Variants in KCNMA1 observed in about 807,000 individuals in gnomAD.
KCNMA1 encodes the protein potassium calcium-activated channel subfamily M alpha 1, also known as Calcium-activated potassium channel subunit alpha-1.
Under a neutral mutation model 140.0 loss-of-function variants are expected in KCNMA1, and 29 were observed. The ratio of observed to expected loss-of-function variants is 0.21; its 90% CI spans 0.15 to 0.28. The LOEUF (loss-of-function observed/expected upper bound fraction) is 0.28, where lower values mean the gene tolerates loss of function less well. KCNMA1 is among the 10% of genes least tolerant of loss of function. KCNMA1 has a pLI of 1.00. For missense variants in KCNMA1, 880 were observed against 1,602.2 expected (o/e 0.55, Z 7.70); for synonymous variants, 612 against 611.9 (o/e 1.00, Z 0.00).
intron 2 of KCNMA1, among the ~76,000 whole-genome samples, chr10:77,382,741 T>C (rs1449850992): frequency 1.3e-5 from 2 of 150,322 alleles, no homozygotes; most frequent in African/African-American, 4.9e-5. Flanking sequence ...GGTGGGTGCC[T>C]GTAATCCCAG....
intron 1 of KCNMA1, among the ~76,000 whole-genome samples, chr10:77,562,774 C>A (rs746019476): frequency 2.8e-4 from 43 of 152,190 alleles, no homozygotes; most frequent in Admixed American, 5.2e-4. Context: ...TTGCCTATTC[C>A]AATTAGTTGC....
chr10:76,912,604 C>G (rs541552949), intron 24 of KCNMA1: 21 of 152,292 alleles, frequency 1.4e-4, no homozygotes, highest in African/African-American at 5.1e-4. Context: ...GGGACAAAGG[C>G]TTCAGGAGAG....
At chr10:77,622,076 A>G (rs924726811) in intron 1 of KCNMA1, among the ~76,000 whole-genome samples, 8 of 152,270 alleles carry the variant, frequency 5.3e-5, no homozygotes, top group Admixed American at 1.3e-4. Context: ...ACATTGAGTA[A>G]CCTGCATGAC....
At chr10:77,033,507 A>G (rs2094100493) in intron 15 of KCNMA1, among the ~76,000 whole-genome samples, 9 of 152,102 alleles carry the variant, frequency 5.9e-5, no homozygotes, top group Admixed American at 5.9e-4. Context: ...CTAAGACACT[A>G]GAATTTATAA....
chr10:77,147,415 C>G (rs1405034441), intron 5 of KCNMA1, among the ~76,000 whole-genome samples: 2 of 152,104 alleles, frequency 1.3e-5, no homozygotes, highest in African/African-American at 4.8e-5. Context: ...GTCTCCCACC[C>G]CACCAGCCTC....
At chr10:76,929,655 T>C (rs113257975) in intron 23 of KCNMA1, among the ~76,000 whole-genome samples, 2,712 of 152,340 alleles carry the variant, frequency 0.018, 82 homozygotes, top group African/African-American at 0.062. Context: ...GGGGCTAGGC[T>C]GGTGTTTCTC....
intron 1 of KCNMA1, among the ~76,000 whole-genome samples, chr10:77,467,417 C>T (rs971462911): frequency 7.2e-5 from 11 of 152,076 alleles, no homozygotes; most frequent in Admixed American, 2.0e-4. Flanking sequence ...TAATGCTGAG[C>T]GAATAGGGGA....
At chr10:77,093,472 T>G (rs533993041) in intron 9 of KCNMA1, among the ~76,000 whole-genome samples, 1 of 152,284 alleles carries the variant, frequency 6.6e-6, no homozygotes, top group East Asian at 1.9e-4. Flanking sequence ...GGAGCCCACA[T>G]ATTGAAAATG....
rs143730361 is a variant in KCNMA1 at position 77,392,987 on chromosome 10, G to T, written c.540+10875C>A. On this transcript the variant is annotated intron_variant, in intron 2 of 27. Coordinates refer to ENST00000286628, the MANE Select transcript of KCNMA1 (RefSeq NM_001161352.2). The stretch of plus-strand genomic sequence containing the variant: ...GTGACACATGCGCCCACAACGTACA[G>T]CTCCAGGGAGAGCCCAGCCCGTTCT... Among the ~76,000 whole-genome samples, 998 of 152,316 alleles carry T rather than the reference G, an allele frequency of 6.6e-3. 5 individuals are homozygous for T. Among genetic ancestry groups the T allele is most frequent in the African/African-American group, 0.023 (947 of 41,562 alleles).
chr10:77,371,157 C>G (rs1282286071), intron 2 of KCNMA1, among the ~76,000 whole-genome samples: 2 of 152,218 alleles, frequency 1.3e-5, no homozygotes, highest in South Asian at 4.1e-4. Flanking sequence ...GAACGAGACA[C>G]GCTGGCTCCC....
intron 2 of KCNMA1, among the ~76,000 whole-genome samples, chr10:77,378,228 G>A (rs931947364): frequency 6.6e-6 from 1 of 152,164 alleles, no homozygotes; most frequent in Non-Finnish European, 1.5e-5. Flanking sequence ...TGGGTGGAAT[G>A]GTTTCATGGG....
At chr10:77,555,218 G>A (rs561635886) in intron 1 of KCNMA1, among the ~76,000 whole-genome samples, 3 of 152,348 alleles carry the variant, frequency 2.0e-5, no homozygotes, top group South Asian at 4.1e-4. Context: ...CAGGGCGGGA[G>A]TCAGACGGCC....
intron 2 of KCNMA1, among the ~76,000 whole-genome samples, chr10:77,382,865 CAAAA>C (rs767673552): frequency 0.33 from 15,515 of 47,390 alleles, 2,135 homozygotes; most frequent in East Asian, 0.4. Context: ...AGCTCCGTCT[CAAAA>C]AAAAAAAAAA....
rs188380484 is a variant in KCNMA1 at position 77,376,893 on chromosome 10, G to A, written c.540+26969C>T. ...GCAGAGGTTGTAGTGAGCCGAGATCGTGCCACTGCACTCCAGCCTGGGTGA... is the reference window on the plus strand; with the variant it reads ...GCAGAGGTTGTAGTGAGCCGAGATCATGCCACTGCACTCCAGCCTGGGTGA... On this transcript the variant is annotated intron_variant, in intron 2 of 27. Coordinates refer to ENST00000286628, the MANE Select transcript of KCNMA1 (RefSeq NM_001161352.2). Among the ~76,000 whole-genome samples, 351 of 152,228 alleles carry A rather than the reference G, an allele frequency of 2.3e-3. 1 individual carries two copies. Among genetic ancestry groups the A allele is most frequent in the African/African-American group, 8.3e-3 (344 of 41,500 alleles).
At chr10:77,389,677 C>A (rs538370430) in intron 2 of KCNMA1, among the ~76,000 whole-genome samples, 58 of 152,272 alleles carry the variant, frequency 3.8e-4, no homozygotes, top group African/African-American at 1.3e-3. Flanking sequence ...TCAAAAGAAG[C>A]CAACTCCTTC....
chr10:76,873,112 T>C (rs183299974), downstream of KCNMA1: 1 of 152,186 alleles, frequency 6.6e-6, no homozygotes, highest in African/African-American at 2.4e-5. Flanking sequence ...TTTGAGCATG[T>C]AGGCTTCTTT....
intron 1 of KCNMA1, among the ~76,000 whole-genome samples, chr10:77,447,256 C>G (rs1348969691): frequency 6.6e-6 from 1 of 152,132 alleles, no homozygotes; most frequent in Admixed American, 6.5e-5. Context: ...CTGGGTTGGC[C>G]GAGGTTTTGT....
At chr10:77,525,631 G>A (rs1207233098) in intron 1 of KCNMA1, among the ~76,000 whole-genome samples, 1 of 152,174 alleles carries the variant, frequency 6.6e-6, no homozygotes, top group Non-Finnish European at 1.5e-5. Context: ...CTCATTCCTG[G>A]AGCTCAGTTT....
intron 24 of KCNMA1, chr10:76,913,728 G>C (rs1311655787): frequency 3.7e-6 from 1 of 268,212 alleles, no homozygotes; most frequent in African/African-American, 2.2e-5. Flanking sequence ...GAAGGGAGAA[G>C]GCGGGAGAGC....
Sources: gnomAD v4.1 joint callset for allele counts (sites outside exome capture counted in the v4.1 genomes callset) on GRCh38, gnomAD v4.1.1 for gene constraint, MANE v1.5 for transcripts, NCBI Gene and HGNC (gene_info 2026-07-23, HGNC 2026-07-21) for gene names.